Variants in SLCO4C1 observed in about 807,000 individuals in gnomAD.
SLCO4C1 encodes the protein organic anion transporter M1.
Under a neutral mutation model 72.1 loss-of-function variants are expected in SLCO4C1, and 58 were observed. The observed-to-expected ratio is 0.80, with a 90% confidence interval of 0.65 to 1.00. The LOEUF is 1.00. Ranked by LOEUF, SLCO4C1 falls within the 50% of genes least tolerant of loss-of-function variation. The pLI, the probability that SLCO4C1 is intolerant of heterozygous loss-of-function variation, is 0.00. For missense variants in SLCO4C1, 898 were observed against 857.9 expected (o/e 1.05, Z -0.58); for synonymous variants, 297 against 312.5 (o/e 0.95, Z 0.52).
At chr5:102,276,943 TAGTG>T (rs1350920203) in intron 2 of SLCO4C1, among the ~76,000 whole-genome samples, 53 of 152,218 alleles carry the variant, frequency 3.5e-4, no homozygotes, top group African/African-American at 1.2e-3. Flanking sequence ...TTAGCTATAG[TAGTG>T]AGAGGCACCA....
Position 102,262,001 on chromosome 5 carries a change from A to G in SLCO4C1, c.932T>C (p.Leu311Ser). The G allele has an allele frequency of 6.2e-7, 1 of 1,613,136 alleles. No homozygotes were observed. Among genetic ancestry groups the G allele is most frequent in the Non-Finnish European group, 8.5e-7 (1 of 1,179,418 alleles). The part of the protein sequence containing the change: ...TDVTEDDPRW[L>S]GAWWIGFLLS... ...AAGAAACCCAATCCACCAAGCTCCC[A>G]ACCATCGCGGATCATCCTCAGTGAC... The change falls in exon 5 of 13, where the codon TTG (leucine) becomes TCG (serine). Residue 311 changes from leucine (L) to serine (S), a missense_variant. Physicochemically the swap from Leu to Ser is moderately radical, Grantham distance 145. Coordinates refer to ENST00000310954, the MANE Select transcript of SLCO4C1 (RefSeq NM_180991.5).
At chr5:102,239,479 G>T in intron 11 of SLCO4C1, 91 bp from the exon 12 acceptor site, 1 of 928,520 alleles carries the variant, frequency 1.1e-6, no homozygotes, top group Non-Finnish European at 1.4e-6. Context: ...ATATTTTATA[G>T]AAATAAAAAT....
chr5:102,273,309 T>C (rs1044464946), intron 2 of SLCO4C1, among the ~76,000 whole-genome samples: 4 of 152,174 alleles, frequency 2.6e-5, no homozygotes, highest in Admixed American at 2.6e-4. Flanking sequence ...GAAAATTTTC[T>C]ATAATTAAAA....
At chr5:102,282,842 G>C (rs1454642588) in intron 2 of SLCO4C1, among the ~76,000 whole-genome samples, 1 of 151,980 alleles carries the variant, frequency 6.6e-6, no homozygotes, top group Non-Finnish European at 1.5e-5. Flanking sequence ...AGACTGAACA[G>C]TGTTAACGGT....
chr5:102,253,884 C>T (rs1748786531), intron 8 of SLCO4C1, among the ~76,000 whole-genome samples: 1 of 151,888 alleles, frequency 6.6e-6, no homozygotes, highest in Non-Finnish European at 1.5e-5. Flanking sequence ...CCCCAAACCT[C>T]AGCATCATAT....
intron 2 of SLCO4C1, among the ~76,000 whole-genome samples, chr5:102,284,755 A>C (rs144018173): frequency 6.6e-6 from 1 of 152,202 alleles, no homozygotes; most frequent in East Asian, 1.9e-4. Flanking sequence ...TTCTCTTGCT[A>C]AAGGACATGG....
In SLCO4C1 at chr5:102,296,244, T is replaced by C. The variant is rs772666029; in HGVS notation, c.19A>G (p.Ile7Val). MKSAKGIENLAFVPSSP... is the reference protein window; with the variant it reads MKSAKGVENLAFVPSSP... ...GAGGGGACAAAAGCCAAGTTCTCAA[T>C]ACCTTTGGCGCTCTTCATGTCTGGA... Residue 7 changes from isoleucine to valine, a missense_variant, in exon 1 of 13, where the codon ATT becomes GTT. Ile to Val is a conservative substitution (Grantham distance 29). Coordinates refer to ENST00000310954, the MANE Select transcript of SLCO4C1 (RefSeq NM_180991.5). 2.6e-6 allele frequency: 4 copies of C among 1,550,958 alleles called. No individual in the cohort carries two copies. The highest frequency in any genetic ancestry group is 2.5e-5 in the South Asian group (2 of 80,462).
intron 1 of SLCO4C1, among the ~76,000 whole-genome samples, chr5:102,293,321 T>C (rs188847199): frequency 1.3e-5 from 2 of 152,252 alleles, no homozygotes; most frequent in African/African-American, 4.8e-5. Flanking sequence ...ATTGTCTTTA[T>C]GGTAAAACTT....
chr5:102,256,817 C>T (rs1246866773), intron 8 of SLCO4C1, among the ~76,000 whole-genome samples: 1 of 152,008 alleles, frequency 6.6e-6, no homozygotes, highest in Non-Finnish European at 1.5e-5. Context: ...GAAATTCTCC[C>T]TAGGATGTGA....
At position 102,270,781 on chromosome 5, in the gene SLCO4C1, G is replaced by A. The variant is rs1394730548; in HGVS notation, c.645C>T (p.Ser215=). Residue 215 remains serine, a synonymous_variant, in exon 3 of 13, where the codon AGC becomes AGT. Transcript: ENST00000310954. The stretch of plus-strand genomic sequence containing the variant: ...AAGAAGTTGAAGATGTACAACTGGT[G>A]CTATTCCTTGTTGTTACACAAGTGT... ...FEDTCVTTRN[S]TSCTSSTSSL... 1 of 1,602,194 alleles carries A rather than the reference G, an allele frequency of 6.2e-7. No individual in the cohort carries two copies.
At chr5:102,265,512 G>C (rs1389996134) in intron 3 of SLCO4C1, among the ~76,000 whole-genome samples, 2 of 151,990 alleles carry the variant, frequency 1.3e-5, no homozygotes, top group Non-Finnish European at 2.9e-5. Flanking sequence ...GTGAGATAGG[G>C]GTCTAGTTGT....
chr5:102,296,267 G>A lies in SLCO4C1; in HGVS notation c.-5C>T. 1 of 1,520,916 alleles carries A rather than the reference G, an allele frequency of 6.6e-7. No individual in the cohort carries two copies. Among genetic ancestry groups the A allele is most frequent in the South Asian group, 1.3e-5 (1 of 75,020 alleles). The allele number at this position is 1,520,916 out of a possible 1,614,324, so 94.2% of individuals were successfully genotyped here. On this transcript the variant is annotated 5_prime_UTR_variant, in exon 1 of 13. Transcript: ENST00000310954. ...AATACCTTTGGCGCTCTTCATGTCT[G>A]GATGGGTTCTCCCGACTCCGGTGCT...
Position 102,239,406 on chromosome 5 carries a change from G to T in SLCO4C1, c.1877-18C>A, listed in dbSNP as rs539680243. ...AATTGTCCCTAAAAGAATTATGGGT[G>T]AAATATACAACAGTAAAGATTACAG... is the stretch of plus-strand genomic sequence containing the variant. On this transcript the variant is annotated intron_variant, in intron 11 of 12. Coordinates refer to ENST00000310954, the MANE Select transcript of SLCO4C1 (RefSeq NM_180991.5). The T allele has an allele frequency of 6.5e-7, 1 of 1,539,914 alleles. No homozygotes were observed. The highest frequency in any genetic ancestry group is 1.3e-5 in the South Asian group (1 of 77,200).
intron 2 of SLCO4C1, among the ~76,000 whole-genome samples, chr5:102,282,324 A>G (rs993784017): frequency 6.6e-6 from 1 of 152,046 alleles, no homozygotes; most frequent in South Asian, 2.1e-4. Flanking sequence ...AGGTTGCAAC[A>G]TATTTTATTA....
intron 6 of SLCO4C1, among the ~76,000 whole-genome samples, chr5:102,259,351 A>T (rs1202861908): frequency 1.3e-5 from 2 of 152,114 alleles, no homozygotes; most frequent in Non-Finnish European, 2.9e-5. Flanking sequence ...AATTTATAAG[A>T]TAAACTAAAC....
At chr5:102,249,271 C>A (rs1341137417) in intron 9 of SLCO4C1, among the ~76,000 whole-genome samples, 2 of 151,860 alleles carry the variant, frequency 1.3e-5, no homozygotes, top group Non-Finnish European at 2.9e-5. Context: ...TGACTTAAAG[C>A]GAGTTCTTCA....
Position 102,270,799 on chromosome 5 carries a change from A to G in SLCO4C1, c.627T>C (p.Cys209=), listed in dbSNP as rs533397117. ...YKLGSLFEDT[C]VTTRNSTSCT... is the part of the protein sequence containing the mutation. ...AACTGGTGCTATTCCTTGTTGTTAC[A>G]CAAGTGTCTTTGTGGAAAAAAAAAT... The change falls in exon 3 of 13, where the codon TGT becomes TGC. Residue 209 remains cysteine, a synonymous_variant. Coordinates refer to ENST00000310954, the MANE Select transcript of SLCO4C1 (RefSeq NM_180991.5). The G allele has an allele frequency of 6.5e-7, 1 of 1,542,266 alleles. No homozygotes were observed. The highest frequency in any genetic ancestry group is 8.7e-7 in the Non-Finnish European group (1 of 1,152,030).
chr5:102,291,708 TTA>T, intron 1 of SLCO4C1, 102 bp from the exon 2 acceptor site: 4 of 999,032 alleles, frequency 4.0e-6, no homozygotes, highest in Non-Finnish European at 5.4e-6. Context: ...CTTTTTTTTC[TTA>T]AAATGTACCA....
At chr5:102,277,948 G>A (rs971817494) in intron 2 of SLCO4C1, among the ~76,000 whole-genome samples, 1 of 151,914 alleles carries the variant, frequency 6.6e-6, no homozygotes, top group Non-Finnish European at 1.5e-5. Context: ...GCAGATAATA[G>A]AGAAACAAAA....
Sources: gnomAD v4.1 joint callset for allele counts (sites outside exome capture counted in the v4.1 genomes callset) on GRCh38, gnomAD v4.1.1 for gene constraint, MANE v1.5 for transcripts, NCBI Gene and HGNC (gene_info 2026-07-23, HGNC 2026-07-21) for gene names.